DGLUCY: variants seen among roughly 807,000 people sequenced by gnomAD.
The protein encoded by DGLUCY is D-glutamate cyclase, also known as D-glutamate cyclase, mitochondrial.
DGLUCY carries 58 observed loss-of-function variants against 58.5 expected under a neutral mutation model. The observed-to-expected ratio is 0.99, with a 90% CI of 0.80 to 1.23. DGLUCY has a LOEUF of 1.23. DGLUCY is among the 50% of genes most tolerant of loss of function. DGLUCY has a pLI of 0.00. For missense variants in DGLUCY, 779 were observed against 784.7 expected (o/e 0.99, Z 0.09); for synonymous variants, 325 against 314.1 (o/e 1.03, Z -0.37).
chr14:91,152,299 A>G (rs1205360100), intron 1 of DGLUCY, among the ~76,000 whole-genome samples: 2 of 152,200 alleles, frequency 1.3e-5, no homozygotes, highest in Non-Finnish European at 2.9e-5. Flanking sequence ...CAGGAGGCTT[A>G]GGTGGGAGGA....
intron 12 of DGLUCY, among the ~76,000 whole-genome samples, chr14:91,206,366 T>G (rs1289530219): frequency 6.6e-6 from 1 of 151,638 alleles, no homozygotes; most frequent in Non-Finnish European, 1.5e-5. Context: ...TCACTAAAGG[T>G]CCATTTGCTA....
chr14:91,152,088 T>C (rs114723583), intron 1 of DGLUCY, among the ~76,000 whole-genome samples: 2,378 of 152,304 alleles, frequency 0.016, 66 homozygotes, highest in African/African-American at 0.052. Flanking sequence ...TTTGCTTTCA[T>C]TGAAAATATT....
chr14:91,122,602 G>GTTTT (rs60627604), intron 1 of DGLUCY, among the ~76,000 whole-genome samples: 53,878 of 104,352 alleles, frequency 0.52, 17,298 homozygotes, highest in East Asian at 0.86. Flanking sequence ...AAAGAAAAAA[G>GTTTT]TTTTTTTTTT....
At chr14:91,181,142 TTGA>T in intron 7 of DGLUCY, 41 bp from the exon 8 acceptor site, 2 of 1,586,108 alleles carry the variant, frequency 1.3e-6, no homozygotes, top group Non-Finnish European at 1.7e-6. Flanking sequence ...TAGGCTGGAC[TTGA>T]TGAAGTGGCT....
chr14:91,071,769 G>A (rs1369585342), intron 1 of DGLUCY, among the ~76,000 whole-genome samples: 1 of 151,770 alleles, frequency 6.6e-6, no homozygotes, highest in African/African-American at 2.4e-5. Context: ...TCAGGAGGCT[G>A]AGGCAGAAGA....
chr14:91,210,308 C>T (rs780506774), intron 12 of DGLUCY, among the ~76,000 whole-genome samples: 7 of 152,130 alleles, frequency 4.6e-5, no homozygotes, highest in Non-Finnish European at 1.0e-4. Flanking sequence ...GAGACTTCAA[C>T]ACCCCTGTAT....
intron 1 of DGLUCY, among the ~76,000 whole-genome samples, chr14:91,108,511 G>GTA (rs1167849375): frequency 2.1e-5 from 2 of 93,268 alleles, no homozygotes; most frequent in Non-Finnish European, 4.5e-5. Context: ...GTGTGTGTGT[G>GTA]TGTGTGTGTG....
chr14:91,118,476 TA>T (rs869227081), intron 1 of DGLUCY, among the ~76,000 whole-genome samples: 1 of 42,700 alleles, frequency 2.3e-5, no homozygotes, highest in Non-Finnish European at 3.9e-5. Context: ...GATTTACAGA[TA>T]CAAAAAGCAG....
chr14:91,068,541 G>A (rs1480104412), intron 1 of DGLUCY, among the ~76,000 whole-genome samples: 2 of 152,258 alleles, frequency 1.3e-5, no homozygotes, highest in South Asian at 2.1e-4. Context: ...GGTGGGGCAT[G>A]CCTTGTGATC....
intron 11 of DGLUCY, among the ~76,000 whole-genome samples, chr14:91,200,866 A>G (rs972182310): frequency 2.0e-5 from 3 of 152,006 alleles, no homozygotes; most frequent in African/African-American, 7.3e-5. Flanking sequence ...TCGTGGGATT[A>G]TCATTAGTTC....
intron 11 of DGLUCY, among the ~76,000 whole-genome samples, chr14:91,203,835 T>C (rs1202131433): frequency 6.6e-6 from 1 of 152,110 alleles, no homozygotes; most frequent in African/African-American, 2.4e-5. Context: ...TGCCACCATG[T>C]CTGGGTAATT....
exon 1 of DGLUCY, chr14:91,060,704 G>C (rs1451508906): frequency 1.2e-5 from 4 of 345,970 alleles, no homozygotes; most frequent in African/African-American, 2.1e-5. Flanking sequence ...CAGCCAGCAA[G>C]GTAAGGGAGC....
At chr14:91,224,561 T>C in intron 13 of DGLUCY, 123 bp from the exon 14 acceptor site, 1 of 1,152,124 alleles carries the variant, frequency 8.7e-7, no homozygotes, top group Non-Finnish European at 1.2e-6. Flanking sequence ...TAAACCAAAA[T>C]TTTACTTTTT....
chr14:91,121,220 C>T (rs891259478), intron 1 of DGLUCY, among the ~76,000 whole-genome samples: 1 of 152,190 alleles, frequency 6.6e-6, no homozygotes, highest in East Asian at 1.9e-4. Flanking sequence ...TTAGCAGCTC[C>T]AGTGCTTAAG....
intron 12 of DGLUCY, among the ~76,000 whole-genome samples, chr14:91,208,585 C>CA (rs1209188175): frequency 6.6e-6 from 1 of 152,020 alleles, no homozygotes; most frequent in Non-Finnish European, 1.5e-5. Flanking sequence ...CCCATCTCTA[C>CA]AAAAAATAGA....
At chr14:91,161,481 T>C (rs1031219062) in intron 3 of DGLUCY, among the ~76,000 whole-genome samples, 1 of 152,242 alleles carries the variant, frequency 6.6e-6, no homozygotes, top group Non-Finnish European at 1.5e-5. Flanking sequence ...CTGTTGGGGA[T>C]AGACCATCCA....
chr14:91,093,083 CAAAAA>C (rs1157463939), intron 1 of DGLUCY, among the ~76,000 whole-genome samples: 1 of 57,726 alleles, frequency 1.7e-5, no homozygotes. Context: ...AACTCAGTCT[CAAAAA>C]AAAAAAAAAA....
At chr14:91,206,730 CA>C (rs892133692) in intron 12 of DGLUCY, among the ~76,000 whole-genome samples, 5 of 151,524 alleles carry the variant, frequency 3.3e-5, no homozygotes, top group Admixed American at 1.3e-4. Flanking sequence ...CTTTCAACAA[CA>C]AAAAAAATTT....
intron 8 of DGLUCY, among the ~76,000 whole-genome samples, chr14:91,187,246 C>T (rs2049578971): frequency 6.6e-6 from 1 of 152,152 alleles, no homozygotes; most frequent in East Asian, 1.9e-4. Context: ...GATCCACCCA[C>T]CTCAGGCTCC....
Sources: allele counts gnomAD v4.1 joint callset (sites outside exome capture counted in the v4.1 genomes callset), GRCh38; gene constraint gnomAD v4.1.1; transcripts MANE v1.5; gene names NCBI Gene and HGNC (gene_info 2026-07-23, HGNC 2026-07-21).